Variants in MAGI2 observed in about 807,000 individuals in gnomAD.
MAGI2 encodes the protein membrane associated guanylate kinase, WW and PDZ domain containing 2, also known as membrane-associated guanylate kinase, WW and PDZ domain-containing protein 2.
Under a neutral mutation model 133.3 loss-of-function variants are expected in MAGI2, and 35 were observed. That is an observed-to-expected ratio of 0.26 (90% confidence interval 0.20 to 0.35). MAGI2 has a LOEUF of 0.35. MAGI2 is among the 10% of genes least tolerant of loss of function. MAGI2 has a pLI of 1.00. For missense variants in MAGI2, 1,636 were observed against 1,863.4 expected (o/e 0.88, Z 2.25); for synonymous variants, 729 against 710.6 (o/e 1.03, Z -0.41).
intron 2 of MAGI2, among the ~76,000 whole-genome samples, chr7:78,685,734 CTGATAGG>C (rs1816227154): frequency 6.6e-6 from 1 of 151,470 alleles, no homozygotes; most frequent in South Asian, 2.1e-4. Flanking sequence ...ATTGCTGTAA[CTGATAGG>C]TGATAGGGAG....
At chr7:79,355,003 G>A in intron 1 of MAGI2, among the ~76,000 whole-genome samples, 1 of 152,180 alleles carries the variant, frequency 6.6e-6, no homozygotes, top group Non-Finnish European at 1.5e-5. Flanking sequence ...TTCTCTACCT[G>A]AGGAATACCA....
intron 2 of MAGI2, among the ~76,000 whole-genome samples, chr7:78,786,941 TTG>T (rs1435497198): frequency 6.6e-6 from 1 of 151,968 alleles, no homozygotes; most frequent in Non-Finnish European, 1.5e-5. Context: ...ATGAATTGAA[TTG>T]TTTCTTTCTT....
At chr7:78,935,663 C>T (rs1456843624) in intron 2 of MAGI2, among the ~76,000 whole-genome samples, 1 of 151,954 alleles carries the variant, frequency 6.6e-6, no homozygotes, top group Non-Finnish European at 1.5e-5. Flanking sequence ...GGAAGAGAAA[C>T]AGCAACTAGA....
chr7:78,134,777 C>T (rs1339446716), intron 17 of MAGI2: 1 of 400,080 alleles, frequency 2.5e-6, no homozygotes. Flanking sequence ...GGAATTCACA[C>T]TATTTAGCCT....
intron 2 of MAGI2, among the ~76,000 whole-genome samples, chr7:78,716,091 T>C (rs1448442888): frequency 6.6e-6 from 1 of 152,218 alleles, no homozygotes; most frequent in Non-Finnish European, 1.5e-5. Context: ...ATTGTTCCTG[T>C]GTTTCTAAAT....
chr7:78,571,746 G>A (rs574991235), intron 3 of MAGI2, among the ~76,000 whole-genome samples: 1 of 152,230 alleles, frequency 6.6e-6, no homozygotes, highest in Non-Finnish European at 1.5e-5. Context: ...AGAAAAATGA[G>A]TATGAGAAAG....
chr7:78,857,570 T>A (rs950405621), intron 2 of MAGI2, among the ~76,000 whole-genome samples: 1 of 152,236 alleles, frequency 6.6e-6, no homozygotes, highest in Admixed American at 6.5e-5. Context: ...GATTTGCATA[T>A]GTTGAACCAG....
At chr7:78,414,844 A>G (rs112273508) in intron 6 of MAGI2, among the ~76,000 whole-genome samples, 1,819 of 152,232 alleles carry the variant, frequency 0.012, 39 homozygotes, top group African/African-American at 0.041. Flanking sequence ...TAGTACTCAA[A>G]TGGAAAATAC....
At chr7:79,307,199 T>C (rs928651671) in intron 1 of MAGI2, among the ~76,000 whole-genome samples, 1 of 152,154 alleles carries the variant, frequency 6.6e-6, no homozygotes, top group African/African-American at 2.4e-5. Context: ...CGCAGTGCCT[T>C]ACTCCAGGTG....
At chr7:78,099,134 G>A (rs1817975786) in intron 20 of MAGI2, among the ~76,000 whole-genome samples, 1 of 152,116 alleles carries the variant, frequency 6.6e-6, no homozygotes, top group South Asian at 2.1e-4. Flanking sequence ...TTCATGAAAT[G>A]TATTAAGTAT....
intron 2 of MAGI2, among the ~76,000 whole-genome samples, chr7:78,727,368 G>A (rs1159547355): frequency 6.6e-6 from 1 of 152,154 alleles, no homozygotes; most frequent in Non-Finnish European, 1.5e-5. Flanking sequence ...ATATGCAAAT[G>A]TATGATACTT....
intron 6 of MAGI2, among the ~76,000 whole-genome samples, chr7:78,426,124 A>G (rs907738924): frequency 6.6e-6 from 1 of 152,200 alleles, no homozygotes; most frequent in African/African-American, 2.4e-5. Context: ...ATCACAGAAG[A>G]GCAACAGAAG....
intron 1 of MAGI2, among the ~76,000 whole-genome samples, chr7:79,158,535 A>G (rs781375804): frequency 1.3e-5 from 2 of 152,106 alleles, no homozygotes; most frequent in African/African-American, 4.8e-5. Context: ...GCAGAATACT[A>G]TAAGATTGAC....
At chr7:79,263,333 A>G (rs1585365576) in intron 1 of MAGI2, among the ~76,000 whole-genome samples, 1 of 152,064 alleles carries the variant, frequency 6.6e-6, no homozygotes, top group East Asian at 1.9e-4. Flanking sequence ...ATCCTATTTC[A>G]CCGGTATGAA....
intron 20 of MAGI2, among the ~76,000 whole-genome samples, chr7:78,081,802 T>C (rs1325017862): frequency 6.6e-6 from 1 of 151,958 alleles, no homozygotes; most frequent in African/African-American, 2.4e-5. Flanking sequence ...CTATGGAAAG[T>C]GGAAGAAGAG....
rs554025791 is a variant in MAGI2, at chr7:79,319,109, T to C, written c.301+133911A>G. ...CAATCTCTGATTTTTGAGGCTAGTT[T>C]TAGAATATTTATTCAACTTTCTTTC... On this transcript the variant is annotated intron_variant, in intron 1 of 21. Transcript: ENST00000354212. Among the ~76,000 whole-genome samples, 3 of 152,246 alleles carry C rather than the reference T, an allele frequency of 2.0e-5. No individual in the cohort carries two copies. In the East Asian group the frequency reaches 5.8e-4, roughly 29 times the overall value.
rs1345658720 is a variant in MAGI2 at position 78,018,402 on chromosome 7, C to T, written c.*913G>A. 6.6e-6 allele frequency: 1 copy of T among 152,360 alleles called. No individual in the cohort carries two copies. The highest frequency in any genetic ancestry group is 6.5e-5 in the Admixed American group (1 of 15,288). The allele number at this position is 152,360 out of a possible 1,614,324, so 9.4% of individuals were successfully genotyped here. On this transcript the variant is annotated 3_prime_UTR_variant, in exon 22 of 22. Transcript: ENST00000354212. Reference sequence around the variant, plus strand: ...CATTGCTGACAAAGAAGCTATCCATCTCTGCTAGCCTGGGACGACAGAAAA... The same window carrying T: ...CATTGCTGACAAAGAAGCTATCCATTTCTGCTAGCCTGGGACGACAGAAAA...
chr7:78,677,715 T>C (rs1815198606), intron 2 of MAGI2, among the ~76,000 whole-genome samples: 1 of 152,232 alleles, frequency 6.6e-6, no homozygotes, highest in African/African-American at 2.4e-5. Context: ...AAATTAGAAC[T>C]CTTTGGCATT....
Position 78,866,503 on chromosome 7 carries a change from T to C in MAGI2, c.418+140587A>G, listed in dbSNP as rs114763499. 7.6e-3 allele frequency among the ~76,000 whole-genome samples: 1,152 copies of C among 152,156 alleles called. 19 individuals are homozygous for C. The highest frequency in any genetic ancestry group is 0.026 in the African/African-American group (1,090 of 41,536). ...AGACCATTAGTCAAGTTTCTATCTCTACCTTTCTGCTTGTTCTAGCCTTCA... is the reference window on the plus strand; with the variant it reads ...AGACCATTAGTCAAGTTTCTATCTCCACCTTTCTGCTTGTTCTAGCCTTCA... On this transcript the variant is annotated intron_variant, in intron 2 of 21. Coordinates refer to ENST00000354212, the MANE Select transcript of MAGI2 (RefSeq NM_012301.4).
Sources: allele counts gnomAD v4.1 joint callset (sites outside exome capture counted in the v4.1 genomes callset), GRCh38; gene constraint gnomAD v4.1.1; transcripts MANE v1.5; gene names NCBI Gene and HGNC (gene_info 2026-07-23, HGNC 2026-07-21).